Variants in LOC122394732 observed in about 807,000 individuals in gnomAD.
At chr9:87,956,237 A>G in the LOC122394732 span, 1 of 398,592 alleles carries the variant, frequency 2.5e-6, no homozygotes, top group Admixed American at 4.4e-5. Context: ...TGTCTTGAAC[A>G]TCCTCCACCA....
the LOC122394732 span, chr9:87,956,251 T>A: frequency 7.5e-6 from 3 of 398,546 alleles, no homozygotes; most frequent in Non-Finnish European, 1.3e-5. Context: ...TCCACCAAAG[T>A]GTGAACACAG....
chr9:87,956,387 A>G, the LOC122394732 span: 2 of 398,628 alleles, frequency 5.0e-6, no homozygotes, highest in South Asian at 2.5e-4. Context: ...AAGCATCCAG[A>G]AGGCTTTAGA....
At chr9:87,956,313 T>C in the LOC122394732 span, 1 of 398,644 alleles carries the variant, frequency 2.5e-6, no homozygotes, top group Non-Finnish European at 4.4e-6. Context: ...GGAGATTCCC[T>C]GTACCTGCGA....
chr9:87,956,561 A>G, the LOC122394732 span: 2 of 398,396 alleles, frequency 5.0e-6, no homozygotes, highest in South Asian at 1.3e-4. Context: ...GACAGAACAC[A>G]CCTGGGTCTC....
At chr9:87,956,455 G>A in the LOC122394732 span, 2 of 398,600 alleles carry the variant, frequency 5.0e-6, no homozygotes, top group Non-Finnish European at 8.8e-6. Flanking sequence ...TTTTGGTAAA[G>A]CTTCACAAGA....
chr9:87,956,686 TAAAC>T, the LOC122394732 span: 98 of 388,714 alleles, frequency 2.5e-4, no homozygotes, highest in African/African-American at 1.8e-3. Context: ...TCTAAAATAA[TAAAC>T]AAAACCTCCT....
At chr9:87,956,491 A>G in the LOC122394732 span, 2 of 398,608 alleles carry the variant, frequency 5.0e-6, no homozygotes, top group Non-Finnish European at 8.8e-6. Context: ...CTCAAAAGCC[A>G]TTGTGGTGAC....
the LOC122394732 span, chr9:87,956,705 AAG>A: frequency 2.7e-6 from 1 of 371,462 alleles, no homozygotes; most frequent in Admixed American, 4.6e-5. Context: ...CCTCCTACAA[AAG>A]AGAGAATAAT....
At chr9:87,956,832 T>G in the LOC122394732 span, 1 of 187,448 alleles carries the variant, frequency 5.3e-6, no homozygotes, top group South Asian at 1.9e-4. Flanking sequence ...GCTGAGCTAT[T>G]TTAGAGATCT....
chr9:87,956,532 A>G, the LOC122394732 span: 5 of 398,490 alleles, frequency 1.3e-5, no homozygotes, highest in African/African-American at 2.1e-5. Context: ...GGACGAGTTC[A>G]TCTGAAACAT....
chr9:87,956,643 G>A, the LOC122394732 span: 6 of 395,830 alleles, frequency 1.5e-5, no homozygotes, highest in Non-Finnish European at 2.7e-5. Flanking sequence ...AGAAAAAAAA[G>A]GACTAGATAA....
the LOC122394732 span, chr9:87,956,258 A>T: frequency 2.5e-6 from 1 of 398,634 alleles, no homozygotes; most frequent in Middle Eastern, 6.3e-4. Context: ...AAGTGTGAAC[A>T]CAGGTGGCAT....
the LOC122394732 span, chr9:87,956,651 T>C: frequency 2.5e-6 from 1 of 395,830 alleles, no homozygotes. Flanking sequence ...AAGGACTAGA[T>C]AATTGAGGAC....
the LOC122394732 span, chr9:87,956,571 CCTT>C: frequency 2.5e-6 from 1 of 398,198 alleles, no homozygotes; most frequent in Non-Finnish European, 4.4e-6. Context: ...ACCTGGGTCT[CCTT>C]CTGTATCTCT....
the LOC122394732 span, chr9:87,956,841 C>T: frequency 5.5e-6 from 1 of 181,006 alleles, no homozygotes; most frequent in African/African-American, 2.3e-5. Flanking sequence ...TTTTAGAGAT[C>T]TTTCAGATAC....
the LOC122394732 span, chr9:87,956,403 A>T: frequency 2.5e-6 from 1 of 398,660 alleles, no homozygotes; most frequent in Non-Finnish European, 4.4e-6. Context: ...TTAGACATCC[A>T]GATCAGGGAG....
At chr9:87,956,788 T>C in the LOC122394732 span, 1 of 249,686 alleles carries the variant, frequency 4.0e-6, no homozygotes, top group Non-Finnish European at 7.5e-6. Flanking sequence ...GCACGTGTTA[T>C]TTTCTTACAG....
the LOC122394732 span, chr9:87,956,485 A>G: frequency 3.3e-5 from 13 of 398,506 alleles, no homozygotes; most frequent in African/African-American, 1.4e-4. Context: ...ATTTTCCTCA[A>G]AAGCCATTGT....
At chr9:87,956,328 C>T in the LOC122394732 span, 4 of 398,574 alleles carry the variant, frequency 1.0e-5, no homozygotes, top group Non-Finnish European at 1.8e-5. Flanking sequence ...CTGCGAAGGG[C>T]CTTCGTGAAC....
Sources: gnomAD v4.1 joint callset for allele counts on GRCh38, gnomAD v4.1.1 for gene constraint, MANE v1.5 for transcripts.